HECTD3: variants seen among roughly 807,000 people sequenced by gnomAD.
HECTD3 encodes the protein E3 ubiquitin-protein ligase HECTD3.
A neutral mutation model predicts 109.3 loss-of-function variants in HECTD3; 72 were observed. That is an observed-to-expected ratio of 0.66 (90% confidence interval 0.54 to 0.80). The LOEUF (loss-of-function observed/expected upper bound fraction) is 0.80. HECTD3 is among the 30% of genes least tolerant of loss of function. The probability of loss-of-function intolerance (pLI) is 0.00; values close to 1 mark genes in which losing one functional copy is unlikely to be tolerated. For synonymous variants in HECTD3, 481 were observed against 471.8 expected (o/e 1.02, Z -0.25); for missense variants, 1,041 against 1,165.2 (o/e 0.89, Z 1.55).
intron 2 of HECTD3, 52 bp from the exon 3 acceptor site, chr1:45,010,345 A>G (rs1314261352): frequency 1.3e-6 from 2 of 1,550,630 alleles, no homozygotes; most frequent in African/African-American, 2.7e-5. Context: ...GGTCAGCAAG[A>G]CACTACCTCC....
Position 45,010,029 on chromosome 1 carries a change from C to A in HECTD3, c.716G>T (p.Ser239Ile). The A allele has an allele frequency of 6.4e-7, 1 of 1,558,692 alleles. No homozygotes were observed. The highest frequency in any genetic ancestry group is 8.7e-7 in the Non-Finnish European group (1 of 1,148,712). Residue 239 changes from serine (S) to isoleucine (I), a missense_variant, in exon 4 of 21, where the codon AGC (serine) becomes ATC (isoleucine). Physicochemically the swap from Ser to Ile is moderately radical, Grantham distance 142. Around this residue, in one of 2 missense-constraint regions of HECTD3, gnomAD observed 472 missense variants for 449.9 expected, o/e 1.05. Transcript: ENST00000372172. ...HLGKEDENLG[S>I]VKQYVESIDV... The stretch of plus-strand genomic sequence containing the variant: ...TATGCTCTCCACATACTGCTTCACG[C>A]TACCCAGGTTCTCATCCTCCTTGCC...
rs746092780 is a variant in HECTD3, at chr1:45,007,520, T to C, written c.1396A>G (p.Ser466Gly). The change falls in exon 10 of 21, where the codon AGC (serine) becomes GGC (glycine). Residue 466 changes from serine (S) to glycine (G), a missense_variant. Physicochemically the swap from Ser to Gly is moderately conservative, Grantham distance 56. Transcript: ENST00000372172. ...AGGCGTGGCATGAAGCTGGGCTTGCTGCTCTCAGAGTCACGCAGGCACTGA... is the reference window on the plus strand; with the variant it reads ...AGGCGTGGCATGAAGCTGGGCTTGCCGCTCTCAGAGTCACGCAGGCACTGA... ...VAQCLRDSES[S>G]KPSFMPRLYI... 10 of 1,614,094 alleles carry C rather than the reference T, an allele frequency of 6.2e-6. No individual in the cohort carries two copies. The highest frequency in any genetic ancestry group is 8.5e-6 in the Non-Finnish European group (10 of 1,180,020).
chr1:45,006,279 C>A lies in HECTD3; in HGVS notation c.1726-163G>T. The A allele has an allele frequency of 2.6e-6, 2 of 767,106 alleles. No homozygotes were observed. Among genetic ancestry groups the A allele is most frequent in the African/African-American group, 1.7e-5 (1 of 57,484 alleles). 47.5% of individuals were successfully genotyped at this position (767,106 alleles called of 1,614,324 possible). ...CTGTCTGCCCAGAGGTTGCCCTGAG[C>A]AACTCAGTCCCTCCTCTGCCCTATT... is the stretch of plus-strand genomic sequence containing the variant. On this transcript the variant is annotated intron_variant, in intron 13 of 20. Coordinates refer to ENST00000372172, the MANE Select transcript of HECTD3 (RefSeq NM_024602.6). This position sits in a 1 kb window ranked among gnomAD's most constrained non-coding sequence, Gnocchi z 4.7.
Position 45,003,492 on chromosome 1 carries a change from T to G in HECTD3, c.2586A>C (p.Ter862CysextTer31). ...CTGGTCCCACAGCCGGCGGCACGCC[T>G]CACTCCTCCCAAGGGCTCATGTCAG... ...IDTDMSPWEE[*>C] The change falls in exon 21 of 21, where the codon TGA becomes TGC. Residue 862 changes from the stop codon to cysteine, a stop_lost. Coordinates refer to ENST00000372172, the MANE Select transcript of HECTD3 (RefSeq NM_024602.6). This position sits in a 1 kb window ranked among gnomAD's most constrained non-coding sequence, Gnocchi z 4.7. 6.2e-7 allele frequency: 1 copy of G among 1,613,990 alleles called. No homozygotes were observed. The highest frequency in any genetic ancestry group is 8.5e-7 in the Non-Finnish European group (1 of 1,179,856).
At position 45,008,673 on chromosome 1, in the gene HECTD3, C is replaced by G; in HGVS notation, c.1101G>C (p.Gly367=). 1 of 1,613,614 alleles carries G rather than the reference C, an allele frequency of 6.2e-7. No homozygotes were observed. Among genetic ancestry groups the G allele is most frequent in the Non-Finnish European group, 8.5e-7 (1 of 1,179,892 alleles). Residue 367 remains glycine (G), a synonymous_variant, in exon 8 of 21, where the codon GGG becomes GGC. Transcript: ENST00000372172. Reference sequence around the variant, plus strand: ...GCTGTCTAGATGACTTGATCTTGACCCCTCGGAGACGAACATCAATCCCAT... The same window carrying G: ...GCTGTCTAGATGACTTGATCTTGACGCCTCGGAGACGAACATCAATCCCAT... The part of the protein sequence containing the change: ...RDDGIDVRLR[G]VKIKSSRQRE...
rs749829208 is a variant in HECTD3 at position 45,003,554 on chromosome 1, G to A, written c.2524C>T (p.Leu842Phe). 1 of 1,614,244 alleles carries A rather than the reference G, an allele frequency of 6.2e-7. No individual in the cohort carries two copies. Among genetic ancestry groups the A allele is most frequent in the Non-Finnish European group, 8.5e-7 (1 of 1,180,036 alleles). ...YASAKVCEEKLRYAAYNCVAI... is the reference protein window; with the variant it reads ...YASAKVCEEKFRYAAYNCVAI... ...ACGCAGTTGTAGGCCGCATAGCGGA[G>A]CTTCTCCTCGCATACCTTGGCACTG... Residue 842 changes from leucine to phenylalanine, a missense_variant, in exon 21 of 21, where the codon CTC becomes TTC. Transcript: ENST00000372172. This position sits in a 1 kb window ranked among gnomAD's most constrained non-coding sequence, Gnocchi z 4.7.
chr1:45,009,706 A>G, intron 4 of HECTD3, 23 bp from the exon 5 acceptor site: 1 of 1,554,306 alleles, frequency 6.4e-7, no homozygotes, highest in Non-Finnish European at 8.9e-7. Context: ...AGAGACGTGA[A>G]GTCAGCAGTT....
chr1:45,011,281 C>A lies in HECTD3; in HGVS notation c.-24G>T. ...ATGGCGAAGTGGCGGAGGTGAGCAC[C>A]TAGAGGCGACCCTGCCCGGGGAACA... On this transcript the variant is annotated 5_prime_UTR_variant, in exon 1 of 21. It adds an upstream start codon to the 5' untranslated region. Coordinates refer to ENST00000372172, the MANE Select transcript of HECTD3 (RefSeq NM_024602.6). 7 of 1,351,948 alleles carry A rather than the reference C, an allele frequency of 5.2e-6. No homozygotes were observed. The highest frequency in any genetic ancestry group is 6.6e-6 in the Non-Finnish European group (7 of 1,057,420). The allele number at this position is 1,351,948 out of a possible 1,614,324, so 83.7% of individuals were successfully genotyped here. A position where few individuals can be genotyped will look rare whatever the true frequency, so the allele number is the denominator to read the frequency against.
chr1:45,004,082 C>T lies in HECTD3; in HGVS notation c.2325G>A (p.Glu775=), dbSNP rs776183050. 32 of 1,613,934 alleles carry T rather than the reference C, an allele frequency of 2.0e-5. No homozygotes were observed. The highest frequency in any genetic ancestry group is 1.9e-5 in the Non-Finnish European group (23 of 1,180,026). The change falls in exon 18 of 21, where the codon GAG becomes GAA. Residue 775 remains glutamate (E), a synonymous_variant. Coordinates refer to ENST00000372172, the MANE Select transcript of HECTD3 (RefSeq NM_024602.6). ...PSDSRVQYFW[E]ALNNFTNEDR... ...GACCGTTGGTGAAGTTGTTCAGTGC[C>T]TCCCAGAAATACTGCACCCGCGAGT...
rs1644770527 is a variant in HECTD3 at position 45,010,043 on chromosome 1, ATCC to A, written c.699_701del (p.Glu233del). ...ACTGCTTCACGCTACCCAGGTTCTC[ATCC>A]TCCTTGCCCAGGTGGTCATACAAGA... On this transcript the variant is annotated inframe_deletion, in exon 4 of 21. Coordinates refer to ENST00000372172, the MANE Select transcript of HECTD3 (RefSeq NM_024602.6). The A allele has an allele frequency of 6.4e-7, 1 of 1,562,946 alleles. No individual in the cohort carries two copies. The highest frequency in any genetic ancestry group is 8.7e-7 in the Non-Finnish European group (1 of 1,150,368).
rs375646592 is a variant in HECTD3 at position 45,004,300 on chromosome 1, C to G, written c.2220G>C (p.Glu740Asp). Reference sequence around the variant, plus strand: ...CCTCTGGATCCCCACACACTTTCTTCTCCAACTCTTGCCAGGTCAGCAAGT... The same window carrying G: ...CCTCTGGATCCCCACACACTTTCTTGTCCAACTCTTGCCAGGTCAGCAAGT... ...VLDLLTWQEL[E>D]KKVCGDPEVT... The change falls in exon 17 of 21, where the codon GAG becomes GAC. Residue 740 changes from glutamate to aspartate, a missense_variant. Glu to Asp is a conservative substitution (Grantham distance 45). This residue lies in a region of HECTD3 where 569 missense variants were observed against 715.3 expected (regional missense o/e 0.80). Transcript: ENST00000372172. 1 of 1,614,058 alleles carries G rather than the reference C, an allele frequency of 6.2e-7. No individual in the cohort carries two copies. The highest frequency in any genetic ancestry group is 1.3e-5 in the African/African-American group (1 of 75,060).
chr1:45,003,459 C>G lies in HECTD3; in HGVS notation c.*33G>C, dbSNP rs745576935. 6.3e-7 allele frequency: 1 copy of G among 1,592,582 alleles called. No individual in the cohort carries two copies. Among genetic ancestry groups the G allele is most frequent in the Non-Finnish European group, 8.6e-7 (1 of 1,160,742 alleles). ...TGGGCAAGGCCAAGAGGGACACGTG[C>G]AGTCTTGCTGGTCCCACAGCCGGCG... On this transcript the variant is annotated 3_prime_UTR_variant, in exon 21 of 21. Coordinates refer to ENST00000372172, the MANE Select transcript of HECTD3 (RefSeq NM_024602.6). This position sits in a 1 kb window ranked among gnomAD's most constrained non-coding sequence, Gnocchi z 4.7.
Position 45,006,088 on chromosome 1 carries a change from A to G in HECTD3, c.1754T>C (p.Met585Thr), listed in dbSNP as rs1451489278. Residue 585 changes from methionine (M) to threonine (T), a missense_variant, in exon 14 of 21, where the codon ATG becomes ACG. Physicochemically the swap from Met to Thr is moderately conservative, Grantham distance 81 (BLOSUM62 -1). This residue lies in a region of HECTD3 where 569 missense variants were observed against 715.3 expected (regional missense o/e 0.80). Coordinates refer to ENST00000372172, the MANE Select transcript of HECTD3 (RefSeq NM_024602.6). The surrounding 1 kb of genome is among the most constrained non-coding windows in gnomAD (Gnocchi z 4.7). Reference sequence around the variant, plus strand: ...TCGGCAGGAGGGGTTGGGTACATACATGTCCCGAGCCTCACCAGTGCCATT... The same window carrying G: ...TCGGCAGGAGGGGTTGGGTACATACGTGTCCCGAGCCTCACCAGTGCCATT... ...QGNGTGEARD[M>T]YVPNPSCRDF... 5.6e-6 allele frequency: 9 copies of G among 1,613,936 alleles called. No individual in the cohort carries two copies. The highest frequency in any genetic ancestry group is 2.2e-5 in the East Asian group (1 of 44,890).
chr1:45,005,054 T>C (rs1465517538), intron 15 of HECTD3: 2 of 570,148 alleles, frequency 3.5e-6, no homozygotes, highest in Admixed American at 3.0e-5. Flanking sequence ...GGCTGGGACA[T>C]AAGGGAAGTT....
rs1159113737 is a variant in HECTD3, at chr1:45,003,190, G to C, written c.*302C>G. On this transcript the variant is annotated 3_prime_UTR_variant, in exon 21 of 21. Coordinates refer to ENST00000372172, the MANE Select transcript of HECTD3 (RefSeq NM_024602.6). The surrounding 1 kb of genome is among the most constrained non-coding windows in gnomAD (Gnocchi z 4.7). ...AAGTCCATGGGTTGGGGACCTAGAT[G>C]GCCCCCTTCAAGTAGCTCAGGCCTG... 4 of 400,788 alleles carry C rather than the reference G, an allele frequency of 1.0e-5. No individual in the cohort carries two copies. The highest frequency in any genetic ancestry group is 6.0e-5 in the African/African-American group (3 of 50,188). The allele number at this position is 400,788 out of a possible 1,614,324, so 24.8% of individuals were successfully genotyped here. A position where few individuals can be genotyped will look rare whatever the true frequency, so the allele number is the denominator to read the frequency against.
At position 45,004,587 on chromosome 1, in the gene HECTD3, C is replaced by T; in HGVS notation, c.2142+13G>A. On this transcript the variant is annotated intron_variant, in intron 16 of 20. Coordinates refer to ENST00000372172, the MANE Select transcript of HECTD3 (RefSeq NM_024602.6). ...GGCCAAAGCTCTCTGCTCTACTAGC[C>T]TCTGGGTACTACCTGCTCCTTGCTC... The T allele has an allele frequency of 6.2e-7, 1 of 1,613,812 alleles. No homozygotes were observed. Among genetic ancestry groups the T allele is most frequent in the Middle Eastern group, 1.7e-4 (1 of 5,856 alleles).
At position 45,004,818 on chromosome 1, in the gene HECTD3, A is replaced by G. The variant is rs780839394; in HGVS notation, c.1936-12T>C. 1 of 1,612,580 alleles carries G rather than the reference A, an allele frequency of 6.2e-7. No homozygotes were observed. The highest frequency in any genetic ancestry group is 8.5e-7 in the Non-Finnish European group (1 of 1,178,596). On this transcript the variant is annotated splice_polypyrimidine_tract_variant and intron_variant, in intron 15 of 20. Coordinates refer to ENST00000372172, the MANE Select transcript of HECTD3 (RefSeq NM_024602.6). ...TCCAGGAGCTTCACCTAGGGGTTGG[A>G]GAGAGGCAGGGAGGTAACCTTTTCA...
At position 45,006,873 on chromosome 1, in the gene HECTD3, T is replaced by A. The variant is rs1557728272; in HGVS notation, c.1621+78A>T. ...GGGGTAATGAATAGGTCCCCCATCATCATTAGCTGGTGAAAAGCCTCTACC... is the reference window on the plus strand; with the variant it reads ...GGGGTAATGAATAGGTCCCCCATCAACATTAGCTGGTGAAAAGCCTCTACC... On this transcript the variant is annotated intron_variant, in intron 12 of 20. Transcript: ENST00000372172. This position sits in a 1 kb window ranked among gnomAD's most constrained non-coding sequence, Gnocchi z 4.7. The A allele has an allele frequency of 6.3e-7, 1 of 1,587,160 alleles. No homozygotes were observed. Among genetic ancestry groups the A allele is most frequent in the Non-Finnish European group, 8.7e-7 (1 of 1,155,870 alleles).
chr1:45,007,582 A>T lies in HECTD3; in HGVS notation c.1334T>A (p.Phe445Tyr), dbSNP rs762635240. ...TGGCCGCTGGCGGGACAGCAGTAGG[A>T]ACTGCTTCACTTGCTAGTGAGGAGA... is the stretch of plus-strand genomic sequence containing the variant. Reference protein sequence around the residue: ...TFSEIKQVKQFLLLSRQRPGL... With the variant: ...TFSEIKQVKQYLLLSRQRPGL... Residue 445 changes from phenylalanine to tyrosine, a missense_variant, in exon 10 of 21, where the codon TTC becomes TAC. Transcript: ENST00000372172. The T allele has an allele frequency of 1.9e-5, 31 of 1,610,270 alleles. No individual in the cohort carries two copies. The highest frequency in any genetic ancestry group is 2.6e-5 in the Non-Finnish European group (31 of 1,179,830).
Sources: gnomAD v4.1 joint callset for allele counts on GRCh38, gnomAD v4.1.1 for gene constraint, gnomAD v4.1.1 regional missense constraint, Gnocchi (gnomAD v3.1) non-coding constraint, MANE v1.5 for transcripts, NCBI Gene and HGNC (gene_info 2026-07-23, HGNC 2026-07-21) for gene names.